Variants in PCDH15 observed in about 807,000 individuals in gnomAD.
The protein encoded by PCDH15 is protocadherin-15.
PCDH15 carries 129 observed loss-of-function variants against 178.5 expected under a neutral mutation model. The ratio of observed to expected loss-of-function variants is 0.72; its 90% CI spans 0.63 to 0.84. The LOEUF (loss-of-function observed/expected upper bound fraction) is 0.84. Among genes scored for constraint, PCDH15 ranks in the 40% least tolerant of loss-of-function variants. The pLI, the probability that PCDH15 is intolerant of heterozygous loss-of-function variation, is 0.00. For missense variants in PCDH15, 2,230 were observed against 2,099.9 expected, an observed-to-expected ratio of 1.06 and a Z score of -1.21; for synonymous variants, 800 against 732.0, an observed-to-expected ratio of 1.09 and a Z score of -1.50.
rs182529543 is a variant in PCDH15, at chr10:55,413,801, G to A, written c.-156+213824C>T. On this transcript the variant is annotated intron_variant, in intron 2 of 5. Transcript: ENST00000613346. The stretch of plus-strand genomic sequence containing the variant: ...CAATTTCTGAATACAAGTTAGCTCG[G>A]AAATATTTTTTTTAGGTTAGAGAAA... Among the ~76,000 whole-genome samples the A allele has an allele frequency of 1.9e-3, 284 of 151,522 alleles. 2 individuals carry two copies. The highest frequency in any genetic ancestry group is 3.3e-3 in the Non-Finnish European group (225 of 67,624).
chr10:54,995,629 T>C (rs903358721), intron 2 of PCDH15, among the ~76,000 whole-genome samples: 3 of 149,056 alleles, frequency 2.0e-5, no homozygotes, highest in African/African-American at 7.5e-5. Flanking sequence ...AAATTAACCC[T>C]CCCCCCCACG....
chr10:54,415,112 C>T (rs1047681355), intron 3 of PCDH15, among the ~76,000 whole-genome samples: 19 of 151,812 alleles, frequency 1.3e-4, no homozygotes, highest in African/African-American at 4.1e-4. Context: ...AAAATCTATA[C>T]CTCTAAAGTA....
At chr10:54,455,075 G>T (rs771653660) in intron 3 of PCDH15, among the ~76,000 whole-genome samples, 14 of 152,090 alleles carry the variant, frequency 9.2e-5, no homozygotes, top group Admixed American at 1.3e-4. Context: ...TCTCCTTCCT[G>T]CTGCCATGTG....
intron 8 of PCDH15, among the ~76,000 whole-genome samples, chr10:54,301,314 G>C (rs958387435): frequency 2.0e-5 from 3 of 152,086 alleles, no homozygotes; most frequent in African/African-American, 7.2e-5. Context: ...TTATGATCCA[G>C]GTAAAACACT....
At chr10:53,997,496 A>G (rs1340488997) in intron 20 of PCDH15, among the ~76,000 whole-genome samples, 1 of 152,154 alleles carries the variant, frequency 6.6e-6, no homozygotes, top group Non-Finnish European at 1.5e-5. Flanking sequence ...TCCATGCATG[A>G]GTTTCCAATG....
intron 2 of PCDH15, among the ~76,000 whole-genome samples, chr10:55,002,471 A>T (rs968680380): frequency 6.6e-6 from 1 of 152,256 alleles, no homozygotes; most frequent in African/African-American, 2.4e-5. Context: ...GCTAGCAATT[A>T]GATGTATGCA....
chr10:54,904,236 T>C (rs1195733191), intron 2 of PCDH15, among the ~76,000 whole-genome samples: 1 of 152,134 alleles, frequency 6.6e-6, no homozygotes, highest in African/African-American at 2.4e-5. Flanking sequence ...ATAATTAATG[T>C]TATTTTCTTC....
intron 16 of PCDH15, among the ~76,000 whole-genome samples, chr10:54,089,407 T>A (rs1020214379): frequency 1.3e-5 from 2 of 152,128 alleles, no homozygotes; most frequent in Admixed American, 6.5e-5. Flanking sequence ...AAGCATACAG[T>A]CTCTCTGAAG....
At chr10:55,062,233 A>G (rs957871023) in intron 2 of PCDH15, among the ~76,000 whole-genome samples, 37 of 152,282 alleles carry the variant, frequency 2.4e-4, no homozygotes, top group African/African-American at 8.9e-4. Flanking sequence ...TATTCCCAAG[A>G]TAACTCTTTT....
rs552393072 is a variant in PCDH15, at chr10:54,250,367, C to T, written c.877-13436G>A. ...GCGCAATCTCGGCTCACTGCAAGCT[C>T]TGCCTCCCGGGTTCACGCCATTCTC... On this transcript the variant is annotated intron_variant, in intron 8 of 37. Coordinates refer to ENST00000644397, the MANE Select transcript of PCDH15 (RefSeq NM_001384140.1). Among the ~76,000 whole-genome samples the T allele has an allele frequency of 6.1e-5, 9 of 146,402 alleles. No individual in the cohort carries two copies. In the East Asian group the frequency reaches 1.9e-3, roughly 30 times the overall value.
chr10:55,577,178 G>C (rs1176562026), intron 2 of PCDH15, among the ~76,000 whole-genome samples: 1 of 152,170 alleles, frequency 6.6e-6, no homozygotes, highest in African/African-American at 2.4e-5. Context: ...GGGGTGCAGA[G>C]GTTGCAGTGA....
At chr10:54,247,436 T>C (rs904418231) in intron 8 of PCDH15, among the ~76,000 whole-genome samples, 2 of 152,040 alleles carry the variant, frequency 1.3e-5, no homozygotes, top group African/African-American at 4.8e-5. Flanking sequence ...TTAGAGTATT[T>C]TTAGGCTCAT....
intron 1 of PCDH15, among the ~76,000 whole-genome samples, chr10:55,275,244 A>T (rs1842558894): frequency 6.6e-6 from 1 of 152,082 alleles, no homozygotes; most frequent in African/African-American, 2.4e-5. Context: ...CATCAATCAT[A>T]ACTTTTGCTA....
intron 2 of PCDH15, among the ~76,000 whole-genome samples, chr10:55,029,360 C>G (rs957906563): frequency 6.6e-6 from 1 of 151,842 alleles, no homozygotes; most frequent in East Asian, 1.9e-4. Flanking sequence ...ATACAATTGT[C>G]CTATCCACTA....
intron 8 of PCDH15, among the ~76,000 whole-genome samples, chr10:54,286,129 T>C (rs370659377): frequency 1.3e-5 from 2 of 152,314 alleles, no homozygotes; most frequent in South Asian, 2.1e-4. Context: ...TGGTGCTTTA[T>C]TGCACATTAG....
chr10:55,031,308 C>T (rs1304384504), intron 2 of PCDH15, among the ~76,000 whole-genome samples: 1 of 151,994 alleles, frequency 6.6e-6, no homozygotes, highest in African/African-American at 2.4e-5. Context: ...ATGTGTAAAC[C>T]GAAGACCTCA....
At chr10:54,086,177 G>T (rs552479488) in intron 16 of PCDH15, among the ~76,000 whole-genome samples, 3 of 152,270 alleles carry the variant, frequency 2.0e-5, no homozygotes, top group East Asian at 1.9e-4. Context: ...CTGGTGAGGG[G>T]CTGAGAGTAC....
intron 2 of PCDH15, among the ~76,000 whole-genome samples, chr10:54,922,628 A>G (rs537418108): frequency 6.6e-6 from 1 of 152,132 alleles, no homozygotes; most frequent in South Asian, 2.1e-4. Flanking sequence ...GTGGAATGAT[A>G]TGTTCGACTC....
intron 1 of PCDH15, among the ~76,000 whole-genome samples, chr10:55,176,579 A>T (rs185281797): frequency 1.3e-5 from 2 of 152,306 alleles, no homozygotes; most frequent in Admixed American, 1.3e-4. Flanking sequence ...GTTCCAGGGC[A>T]TCTTCAAACC....
Sources: gnomAD v4.1 joint callset for allele counts (sites outside exome capture counted in the v4.1 genomes callset) on GRCh38, gnomAD v4.1.1 for gene constraint, MANE v1.5 for transcripts, NCBI Gene and HGNC (gene_info 2026-07-23, HGNC 2026-07-21) for gene names.